EDA: variants seen among roughly 807,000 people sequenced by gnomAD.
EDA encodes ectodysplasin-A.
Under a neutral mutation model 23.6 loss-of-function variants are expected in EDA, and 2 were observed. The ratio of observed to expected loss-of-function variants is 0.08; its 90% CI spans 0.03 to 0.27. The LOEUF is 0.27. Ranked by LOEUF, EDA falls within the 10% of genes least tolerant of loss-of-function variation. EDA has a pLI of 1.00. For synonymous variants in EDA, 131 were observed against 132.0 expected (o/e 0.99, Z 0.05); for missense variants, 229 against 324.2 (o/e 0.71, Z 2.26).
At chrX:69,923,995 G>A (rs1016643606) in intron 1 of EDA, among the ~76,000 whole-genome samples, 2 of 110,724 alleles carry the variant, frequency 1.8e-5, no homozygotes, top group Non-Finnish European at 3.8e-5. Context: ...TGTTCATATC[G>A]TTTGCCCACT....
chrX:69,894,937 T>C (rs941866621), intron 1 of EDA, among the ~76,000 whole-genome samples: 5 of 111,602 alleles, frequency 4.5e-5, no homozygotes, highest in Admixed American at 9.6e-5. Flanking sequence ...GGACTTCCAG[T>C]GCTATGTTGA....
At chrX:69,936,602 T>C (rs1322765216) in intron 1 of EDA, among the ~76,000 whole-genome samples, 1 of 111,707 alleles carries the variant, frequency 9.0e-6, no homozygotes, top group Non-Finnish European at 1.9e-5. Flanking sequence ...CTGTGTAAAG[T>C]TGGTAGATGG....
chrX:69,977,121 G>T (rs924279735), intron 2 of EDA, among the ~76,000 whole-genome samples: 2 of 111,755 alleles, frequency 1.8e-5, no homozygotes, highest in Non-Finnish European at 3.8e-5. Context: ...CACTGGTTGA[G>T]ACCTGTGAGA....
chrX:69,987,763 T>C (rs186065289), intron 2 of EDA, among the ~76,000 whole-genome samples: 1 of 111,715 alleles, frequency 9.0e-6, no homozygotes, highest in East Asian at 2.8e-4. Flanking sequence ...GTTAAGATTC[T>C]ATTCCATTTC....
In EDA at chrX:69,707,902, T is replaced by A. The variant is rs748659111; in HGVS notation, c.396+91198T>A. ...GTTTCTATTGTGACTTCTGAATCCA[T>A]TGTGGATTTAAAAAAATGCTAAAAT... is the stretch of plus-strand genomic sequence containing the variant. On this transcript the variant is annotated intron_variant, in intron 1 of 7. Coordinates refer to ENST00000374552, the MANE Select transcript of EDA (RefSeq NM_001399.5). Among the ~76,000 whole-genome samples, 74 of 111,317 alleles carry A rather than the reference T, an allele frequency of 6.6e-4. 1 individual carries two copies. Among genetic ancestry groups the A allele is most frequent in the African/African-American group, 2.4e-3 (73 of 30,664 alleles).
Position 69,616,550 on chromosome X carries a change from C to T in EDA, c.242C>T (p.Ser81Leu), listed in dbSNP as rs780456712. The part of the protein sequence containing the change: ...ERGAESRLGG[S>L]GTPGTSGTLS... ...GGAGCCGAGTCCCGCCTTGGCGGCT[C>T]GGGCACCCCTGGCACCTCTGGCACC... The change falls in exon 1 of 8, where the codon TCG (serine) becomes TTG (leucine). Residue 81 changes from serine (S) to leucine (L), a missense_variant. Coordinates refer to ENST00000374552, the MANE Select transcript of EDA (RefSeq NM_001399.5). 1.7e-5 allele frequency: 20 copies of T among 1,209,932 alleles called. No individual in the cohort carries two copies. Among genetic ancestry groups the T allele is most frequent in the South Asian group, 1.8e-5 (1 of 56,744 alleles).
chrX:69,854,366 G>T (rs1602484435), intron 1 of EDA, among the ~76,000 whole-genome samples: 1 of 110,775 alleles, frequency 9.0e-6, no homozygotes, highest in Non-Finnish European at 1.9e-5. Flanking sequence ...GCTAATTTTT[G>T]TATTTTTAGT....
intron 1 of EDA, among the ~76,000 whole-genome samples, chrX:69,888,088 A>G (rs2017856295): frequency 2.7e-5 from 3 of 112,155 alleles, no homozygotes; most frequent in Non-Finnish European, 5.6e-5. Context: ...TATCTCTAGT[A>G]TAAATGTTAA....
chrX:69,876,233 G>A (rs1401962915), intron 1 of EDA, among the ~76,000 whole-genome samples: 1 of 110,729 alleles, frequency 9.0e-6, no homozygotes, highest in Non-Finnish European at 1.9e-5. Context: ...TATGGAACCA[G>A]CCCAAATGCC....
At chrX:69,828,321 A>G (rs756048213) in intron 1 of EDA, among the ~76,000 whole-genome samples, 1 of 111,826 alleles carries the variant, frequency 8.9e-6, no homozygotes, top group Admixed American at 9.4e-5. Flanking sequence ...TTGCAGTTTG[A>G]TCTCAGACTG....
chrX:69,739,371 T>C (rs2013373965), intron 1 of EDA, among the ~76,000 whole-genome samples: 1 of 111,373 alleles, frequency 9.0e-6, no homozygotes, highest in Admixed American at 9.6e-5. Context: ...CCAATTTGTG[T>C]TTTTTAATCT....
chrX:69,837,518 T>A (rs1288790200), intron 1 of EDA, among the ~76,000 whole-genome samples: 1 of 112,423 alleles, frequency 8.9e-6, no homozygotes, highest in Non-Finnish European at 1.9e-5. Context: ...TTTCTATAAT[T>A]GTTGCATATG....
chrX:69,834,265 C>G (rs758715487), intron 1 of EDA, among the ~76,000 whole-genome samples: 2 of 110,422 alleles, frequency 1.8e-5, no homozygotes, highest in Non-Finnish European at 3.8e-5. Context: ...TCCTTGTTAA[C>G]CTTCTGTCTT....
chrX:69,711,768 A>C lies in EDA; in HGVS notation c.396+95064A>C, dbSNP rs1224222448. Among the ~76,000 whole-genome samples, 25 of 111,599 alleles carry C rather than the reference A, an allele frequency of 2.2e-4. No homozygotes were observed. In the Admixed American group the frequency reaches 2.3e-3, roughly 10 times the overall value. ...TTTATCCATTTCTTCTAGATTTTCT[A>C]GTTTATTTGCGTAGAGGTGTTTATA... On this transcript the variant is annotated intron_variant, in intron 1 of 7. Transcript: ENST00000374552.
Position 69,797,777 on chromosome X carries a change from G to GA in EDA, c.397-159244dup, listed in dbSNP as rs1249313839. ...GAACAAAGGATATACATAACAACCA[G>GA]AAAAAATAACAATATGCCAGAAACA... is the stretch of plus-strand genomic sequence containing the variant. On this transcript the variant is annotated intron_variant, in intron 1 of 7. Transcript: ENST00000374552. 2.7e-5 allele frequency among the ~76,000 whole-genome samples: 3 copies of GA among 111,540 alleles called. No individual in the cohort carries two copies. The East Asian group carries it at 8.4e-4, about 31-fold the overall frequency.
At chrX:69,657,522 T>C (rs1933356038) in intron 1 of EDA, among the ~76,000 whole-genome samples, 1 of 112,289 alleles carries the variant, frequency 8.9e-6, no homozygotes, top group Admixed American at 9.5e-5. Context: ...CATTTGCTGT[T>C]GGGATCTTCA....
intron 1 of EDA, among the ~76,000 whole-genome samples, chrX:69,845,522 G>A (rs913469758): frequency 8.0e-5 from 9 of 112,018 alleles, no homozygotes; most frequent in East Asian, 5.6e-4. Context: ...TGTTTCTTTC[G>A]CCAGGGTTAA....
At chrX:69,801,760 C>T (rs2015691936) in intron 1 of EDA, among the ~76,000 whole-genome samples, 2 of 111,749 alleles carry the variant, frequency 1.8e-5, no homozygotes, top group South Asian at 7.5e-4. Context: ...GATTATCATT[C>T]TTACTAGTAA....
chrX:69,941,383 A>G (rs1053343219), intron 1 of EDA, among the ~76,000 whole-genome samples: 4 of 111,412 alleles, frequency 3.6e-5, no homozygotes, highest in African/African-American at 1.3e-4. Flanking sequence ...GTCTCCATCT[A>G]TTATTGTGTT....
Sources: allele counts gnomAD v4.1 joint callset (sites outside exome capture counted in the v4.1 genomes callset), GRCh38; gene constraint gnomAD v4.1.1; transcripts MANE v1.5; gene names NCBI Gene and HGNC (gene_info 2026-07-23, HGNC 2026-07-21).